Variants in EFCAB7 observed in about 807,000 individuals in gnomAD.
The protein encoded by EFCAB7 is EF-hand calcium-binding domain-containing protein 7.
EFCAB7 carries 66 observed loss-of-function variants against 77.1 expected under a neutral mutation model. The ratio of observed to expected loss-of-function variants is 0.86; its 90% CI spans 0.70 to 1.05. The LOEUF is 1.05. EFCAB7 is among the 50% of genes least tolerant of loss of function. The pLI, the probability that EFCAB7 is intolerant of heterozygous loss-of-function variation, is 0.00. For synonymous variants in EFCAB7, 225 were observed against 243.3 expected (o/e 0.92, Z 0.70); for missense variants, 638 against 730.5 (o/e 0.87, Z 1.46).
chr1:63,553,022 A>G (rs578219073), intron 8 of EFCAB7, among the ~76,000 whole-genome samples: 1 of 152,340 alleles, frequency 6.6e-6, no homozygotes, highest in Admixed American at 6.5e-5. Flanking sequence ...CAAAATTATA[A>G]TAGAGTTTGC....
chr1:63,546,301 C>T (rs142061260), intron 7 of EFCAB7, among the ~76,000 whole-genome samples: 1 of 151,890 alleles, frequency 6.6e-6, no homozygotes, highest in South Asian at 2.1e-4. Context: ...CCAAACTTTT[C>T]TACAGCTAAG....
intron 8 of EFCAB7, among the ~76,000 whole-genome samples, chr1:63,552,635 T>G (rs1352681553): frequency 6.6e-6 from 1 of 152,224 alleles, no homozygotes; most frequent in Admixed American, 6.5e-5. Context: ...AGGCCAAATA[T>G]GTGAAGCCAA....
the EFCAB7 span, among the ~76,000 whole-genome samples, chr1:63,583,058 A>C: frequency 6.6e-6 from 1 of 151,106 alleles, no homozygotes; most frequent in Non-Finnish European, 1.5e-5. Context: ...GTTCTCAGAT[A>C]CTATTAAGAA....
chr1:63,549,274 TACCTC>T (rs752110137), intron 7 of EFCAB7: 23 of 461,468 alleles, frequency 5.0e-5, no homozygotes, highest in Non-Finnish European at 1.0e-4. Flanking sequence ...GACCTCTACT[TACCTC>T]AGCAATTCTT....
intron 10 of EFCAB7, among the ~76,000 whole-genome samples, chr1:63,559,546 C>G (rs962396003): frequency 2.6e-5 from 4 of 151,966 alleles, no homozygotes; most frequent in African/African-American, 9.7e-5. Context: ...CACTGCAACC[C>G]CTGCCTCCAG....
At chr1:63,573,941 G>A (rs1647339030), downstream of EFCAB7, among the ~76,000 whole-genome samples, 1 of 152,150 alleles carries the variant, frequency 6.6e-6, no homozygotes, top group African/African-American at 2.4e-5. Context: ...ACTAATAAAG[G>A]CCGGTCAGTT....
chr1:63,573,810 G>A (rs561747687), downstream of EFCAB7, among the ~76,000 whole-genome samples: 23 of 152,280 alleles, frequency 1.5e-4, no homozygotes, highest in African/African-American at 4.6e-4. Context: ...TCTGAGAAGG[G>A]AAAGTGGTAA....
intron 3 of EFCAB7, among the ~76,000 whole-genome samples, 200 bp from the exon 4 acceptor site, chr1:63,532,470 A>C (rs541463625): frequency 5.3e-5 from 8 of 152,198 alleles, no homozygotes; most frequent in African/African-American, 1.9e-4. Context: ...GAAATTCAGC[A>C]CACTTTCACA....
At chr1:63,576,670 TAA>T (rs113046016), downstream of EFCAB7, among the ~76,000 whole-genome samples, 4 of 138,082 alleles carry the variant, frequency 2.9e-5, no homozygotes, top group African/African-American at 1.0e-4. Flanking sequence ...AAAATAAAAT[TAA>T]AAAAAAAAAA....
Position 63,533,554 on chromosome 1 carries a change from A to C in EFCAB7, c.587A>C (p.His196Pro). The change falls in exon 5 of 14, where the codon CAC becomes CCC. Residue 196 changes from histidine to proline, a missense_variant. Transcript: ENST00000371088. ...TTGATGCGTCACCAGTTTGGAAACCACATCGAAGGGTCCCCTGAAAGGGAC... is the reference window on the plus strand; with the variant it reads ...TTGATGCGTCACCAGTTTGGAAACCCCATCGAAGGGTCCCCTGAAAGGGAC... ...SKLMRHQFGN[H>P]IEGSPERDPS... 6.2e-7 allele frequency: 1 copy of C among 1,613,454 alleles called. No homozygotes were observed. The highest frequency in any genetic ancestry group is 8.5e-7 in the Non-Finnish European group (1 of 1,179,612).
chr1:63,563,709 C>CT (rs1647137305), intron 11 of EFCAB7, among the ~76,000 whole-genome samples: 1 of 152,124 alleles, frequency 6.6e-6, no homozygotes, highest in Non-Finnish European at 1.5e-5. Flanking sequence ...GATTTAAAAT[C>CT]TTTTTTCTTA....
At position 63,555,430 on chromosome 1, in the gene EFCAB7, AG is replaced by A; in HGVS notation, c.1131del (p.Ile380Ter). On this transcript the variant is annotated frameshift_variant, in exon 9 of 14. Transcript: ENST00000371088. LOFTEE classifies it high-confidence loss of function. The part of the protein sequence containing the change: ...LIPSTTGCRL[R>X]KKIKPVTDEA... ...TCCTTCCACAACTGGCTGTAGGCTG[AG>A]GAAAAAAATAAAACCAGTAACAGAT... 1 of 1,614,064 alleles carries A rather than the reference AG, an allele frequency of 6.2e-7. No individual in the cohort carries two copies. The highest frequency in any genetic ancestry group is 8.5e-7 in the Non-Finnish European group (1 of 1,179,968).
At chr1:63,545,591 T>C (rs962962021) in intron 6 of EFCAB7, among the ~76,000 whole-genome samples, 21 of 152,080 alleles carry the variant, frequency 1.4e-4, no homozygotes, top group Admixed American at 1.2e-3. Flanking sequence ...CTCAGTCTCC[T>C]GAGTAGCTGG....
At chr1:63,531,701 A>C (rs1202466841) in intron 2 of EFCAB7, 119 bp from the exon 3 acceptor site, 2 of 885,264 alleles carry the variant, frequency 2.3e-6, no homozygotes, top group Non-Finnish European at 3.5e-6. Context: ...AAAGTAATGT[A>C]CTGGTATATG....
chr1:63,576,313 C>G (rs2100936280), downstream of EFCAB7, among the ~76,000 whole-genome samples: 1 of 150,400 alleles, frequency 6.6e-6, no homozygotes, highest in Non-Finnish European at 1.5e-5. Flanking sequence ...AACTCTGTCT[C>G]TACTAAAAAT....
downstream of EFCAB7, among the ~76,000 whole-genome samples, chr1:63,573,238 T>C (rs2100934056): frequency 6.6e-6 from 1 of 152,068 alleles, no homozygotes. Context: ...GGATTAGGGG[T>C]GGCGTGGGAA....
intron 6 of EFCAB7, among the ~76,000 whole-genome samples, chr1:63,541,902 T>G (rs916816143): frequency 6.6e-6 from 1 of 152,174 alleles, no homozygotes; most frequent in Non-Finnish European, 1.5e-5. Flanking sequence ...TAAATTGAAA[T>G]TTTGAATATT....
At chr1:63,550,191 A>T (rs889253605) in intron 7 of EFCAB7, 1 of 152,198 alleles carries the variant, frequency 6.6e-6, no homozygotes, top group Non-Finnish European at 1.5e-5. Flanking sequence ...TCCACTTAGC[A>T]CGAATGATTC....
chr1:63,566,567 G>T (rs980558238), intron 11 of EFCAB7, among the ~76,000 whole-genome samples: 11 of 152,088 alleles, frequency 7.2e-5, no homozygotes, highest in Admixed American at 2.6e-4. Flanking sequence ...TTTGCTTTCA[G>T]TGAATATTCA....
Sources: allele counts gnomAD v4.1 joint callset (sites outside exome capture counted in the v4.1 genomes callset), GRCh38; gene constraint gnomAD v4.1.1; transcripts MANE v1.5; gene names NCBI Gene and HGNC (gene_info 2026-07-23, HGNC 2026-07-21).